FBXO41: variants seen among roughly 807,000 people sequenced by gnomAD.
FBXO41 encodes the protein F-box only protein 41.
FBXO41 carries 33 observed loss-of-function variants against 81.6 expected under a neutral mutation model. The ratio of observed to expected loss-of-function variants is 0.40; its 90% CI spans 0.31 to 0.54. FBXO41 has a LOEUF of 0.54. FBXO41 is among the 20% of genes least tolerant of loss of function. The pLI, the probability that FBXO41 is intolerant of heterozygous loss-of-function variation, is 0.39. For missense variants in FBXO41, 1,107 were observed against 1,236.0 expected (o/e 0.90, Z 1.56); for synonymous variants, 576 against 552.7 (o/e 1.04, Z -0.59).
At chr2:73,267,548 A>G (rs1349131206) in intron 2 of FBXO41, among the ~76,000 whole-genome samples, 1 of 152,210 alleles carries the variant, frequency 6.6e-6, no homozygotes, top group Non-Finnish European at 1.5e-5. Context: ...TGTTCTAGGT[A>G]TTGGGGAAAT....
At chr2:73,275,339 C>T (rs189642694) in intron 1 of FBXO41, among the ~76,000 whole-genome samples, 1 of 152,162 alleles carries the variant, frequency 6.6e-6, no homozygotes, top group African/African-American at 2.4e-5. Flanking sequence ...CCCACCACCA[C>T]ACGTGGCTAA....
At position 73,257,733 on chromosome 2, in the gene FBXO41, G is replaced by C. The variant is rs1047031570; in HGVS notation, c.*1249C>G. 6.6e-6 allele frequency: 1 copy of C among 152,240 alleles called. No homozygotes were observed. Among genetic ancestry groups the C allele is most frequent in the African/African-American group, 2.4e-5 (1 of 41,428 alleles). 9.4% of individuals were successfully genotyped at this position (152,240 alleles called of 1,614,324 possible). On this transcript the variant is annotated 3_prime_UTR_variant, in exon 13 of 13. Coordinates refer to ENST00000520530, the MANE Select transcript of FBXO41 (RefSeq NM_001371389.2). This position sits in a 1 kb window ranked among gnomAD's most constrained non-coding sequence, Gnocchi z 4.6. ...TCTGAGACCTGATCCTTTGGGGACT[G>C]CAAAGGCCAGTGAAAAGTGAATCCT...
chr2:73,264,511 C>T lies in FBXO41; in HGVS notation c.1573G>A (p.Glu525Lys), dbSNP rs370256664. Residue 525 changes from glutamate to lysine, a missense_variant, in exon 6 of 13, where the codon GAG becomes AAG. Glu to Lys is a moderately conservative substitution (Grantham distance 56). Transcript: ENST00000520530. The part of the protein sequence containing the change: ...LSSCRLSARP[E>K]GGSGRGRRAE... ...CGCCGACCCCGCCCACTGCCTCCCT[C>T]GGGGCGGGCTGCAGAATACCAGGGG... The T allele has an allele frequency of 1.7e-4, 270 of 1,613,446 alleles. No individual in the cohort carries two copies. Among genetic ancestry groups the T allele is most frequent in the South Asian group, 2.4e-4 (22 of 91,070 alleles).
At position 73,266,831 on chromosome 2, in the gene FBXO41, G is replaced by T; in HGVS notation, c.906-149C>A. ...CATGGGTTCCTGCAGAACAGGCCTA[G>T]CACACAGCCCCGCACGATGACACAT... On this transcript the variant is annotated intron_variant, in intron 2 of 12. Coordinates refer to ENST00000520530, the MANE Select transcript of FBXO41 (RefSeq NM_001371389.2). This position sits in a 1 kb window ranked among gnomAD's most constrained non-coding sequence, Gnocchi z 5.3. 1.6e-6 allele frequency: 2 copies of T among 1,268,610 alleles called. No individual in the cohort carries two copies. The highest frequency in any genetic ancestry group is 2.1e-6 in the Non-Finnish European group (2 of 974,276). 78.6% of individuals were successfully genotyped at this position (1,268,610 alleles called of 1,614,324 possible). A position where few individuals can be genotyped will look rare whatever the true frequency, so the allele number is the denominator to read the frequency against.
rs1349149401 is a variant in FBXO41 at position 73,268,984 on chromosome 2, T to C, written c.647A>G (p.Asp216Gly). Residue 216 changes from aspartate (D) to glycine (G), a missense_variant, in exon 2 of 13, where the codon GAC becomes GGC. Coordinates refer to ENST00000520530, the MANE Select transcript of FBXO41 (RefSeq NM_001371389.2). ...KIRALEKLEVDRRLERLSEEV... is the reference protein window; with the variant it reads ...KIRALEKLEVGRRLERLSEEV... ...CTCGCTCAGCCGCTCCAGCCGCCGG[T>C]CCACCTCCAGCTTCTCCAGCGCGCG... 6.5e-7 allele frequency: 1 copy of C among 1,538,908 alleles called. No individual in the cohort carries two copies. Among genetic ancestry groups the C allele is most frequent in the Admixed American group, 2.0e-5 (1 of 50,974 alleles).
At position 73,258,581 on chromosome 2, in the gene FBXO41, G is replaced by A; in HGVS notation, c.*401C>T. The A allele has an allele frequency of 5.2e-6, 1 of 191,658 alleles. No homozygotes were observed. The highest frequency in any genetic ancestry group is 1.1e-5 in the Non-Finnish European group (1 of 94,374). 11.9% of individuals were successfully genotyped at this position (191,658 alleles called of 1,614,324 possible). On this transcript the variant is annotated 3_prime_UTR_variant, in exon 13 of 13. Coordinates refer to ENST00000520530, the MANE Select transcript of FBXO41 (RefSeq NM_001371389.2). ...CTTGTGGAGCCCCCATTGGCTTGGG[G>A]CCCCAGATGCTCCTGACCAGGAGGC...
chr2:73,276,902 G>A (rs1217668010), intron 1 of FBXO41, among the ~76,000 whole-genome samples: 5 of 152,240 alleles, frequency 3.3e-5, no homozygotes, highest in Non-Finnish European at 7.3e-5. Flanking sequence ...TCAAGAACAA[G>A]GATATTCTAT....
At chr2:73,270,686 T>C in intron 1 of FBXO41, 1 of 433,130 alleles carries the variant, frequency 2.3e-6, no homozygotes. Context: ...CCCACACCCC[T>C]TTTGGCACAA....
At position 73,269,393 on chromosome 2, in the gene FBXO41, G is replaced by A; in HGVS notation, c.238C>T (p.Arg80Trp). The A allele has an allele frequency of 1.4e-6, 2 of 1,467,954 alleles. No homozygotes were observed. The highest frequency in any genetic ancestry group is 1.8e-6 in the Non-Finnish European group (2 of 1,113,942). The allele number at this position is 1,467,954 out of a possible 1,614,324, so 90.9% of individuals were successfully genotyped here. Residue 80 changes from arginine to tryptophan, a missense_variant, in exon 2 of 13, where the codon CGG becomes TGG. Physicochemically the swap from Arg to Trp is moderately radical, Grantham distance 101. Around this residue, in one of 2 missense-constraint regions of FBXO41, gnomAD observed 771 missense variants for 789.2 expected, o/e 0.98. Transcript: ENST00000520530. The surrounding 1 kb of genome is among the most constrained non-coding windows in gnomAD (Gnocchi z 7.0). ...PAALLAVPGA[R>W]REVFESTSFQ... is the part of the protein sequence containing the mutation. ...GAAGTGCTCTCGAAGACCTCTCGCC[G>A]GGCGCCGGGCACGGCCAGCAGGGCG...
At position 73,263,271 on chromosome 2, in the gene FBXO41, C is replaced by A; in HGVS notation, c.2113G>T (p.Ala705Ser). 1 of 1,552,496 alleles carries A rather than the reference C, an allele frequency of 6.4e-7. No individual in the cohort carries two copies. The highest frequency in any genetic ancestry group is 8.7e-7 in the Non-Finnish European group (1 of 1,148,390). Residue 705 changes from alanine (A) to serine (S), a missense_variant, in exon 9 of 13, where the codon GCC becomes TCC. Ala to Ser is a moderately conservative substitution (Grantham distance 99, BLOSUM62 1). Around this residue, in one of 2 missense-constraint regions of FBXO41, gnomAD observed 336 missense variants for 446.7 expected, o/e 0.75. Coordinates refer to ENST00000520530, the MANE Select transcript of FBXO41 (RefSeq NM_001371389.2). ...TDPVGHEVIW[A>S]LGAGCREIVS... ...ATCTCTCTGCAGCCTGCGCCCAGGG[C>A]CCAAATGACCTCATGGCCCACGGGG...
chr2:73,279,757 A>G (rs1688794737), intron 1 of FBXO41, among the ~76,000 whole-genome samples: 1 of 152,218 alleles, frequency 6.6e-6, no homozygotes, highest in African/African-American at 2.4e-5. Flanking sequence ...AGGAGGCAGC[A>G]TGGGAGAATC....
chr2:73,273,606 G>A lies in FBXO41; in HGVS notation c.-138-3838C>T, dbSNP rs192221251. 3.3e-3 allele frequency among the ~76,000 whole-genome samples: 508 copies of A among 152,260 alleles called. 1 individual carries two copies. Among genetic ancestry groups the A allele is most frequent in the African/African-American group, 0.012 (485 of 41,542 alleles). On this transcript the variant is annotated intron_variant, in intron 1 of 12. Transcript: ENST00000520530. ...CAGTCTGGGCCGATACAGTCACTTC[G>A]GGAGCTGTGCTCAGTTGGTAGGCTG...
At position 73,269,553 on chromosome 2, in the gene FBXO41, G is replaced by A; in HGVS notation, c.78C>T (p.Arg26=). ...AGGTGTGGCTGTACTCCAGGTGCGCGCGCAGCGACGACAGGCTCCGGAAGC... is the reference window on the plus strand; with the variant it reads ...AGGTGTGGCTGTACTCCAGGTGCGCACGCAGCGACGACAGGCTCCGGAAGC... ...HKRFRSLSSL[R]AHLEYSHTYE... Residue 26 remains arginine (R), a synonymous_variant, in exon 2 of 13, where the codon CGC becomes CGT. Coordinates refer to ENST00000520530, the MANE Select transcript of FBXO41 (RefSeq NM_001371389.2). The surrounding 1 kb of genome is among the most constrained non-coding windows in gnomAD (Gnocchi z 7.0). 1 of 1,361,152 alleles carries A rather than the reference G, an allele frequency of 7.3e-7. No homozygotes were observed. Among genetic ancestry groups the A allele is most frequent in the Non-Finnish European group, 9.6e-7 (1 of 1,046,496 alleles). The allele number at this position is 1,361,152 out of a possible 1,614,324, so 84.3% of individuals were successfully genotyped here. A position where few individuals can be genotyped will look rare whatever the true frequency, so the allele number is the denominator to read the frequency against.
At chr2:73,276,584 G>GAGAGAC (rs150623554) in intron 1 of FBXO41, among the ~76,000 whole-genome samples, 1 of 127,734 alleles carries the variant, frequency 7.8e-6, no homozygotes, top group Non-Finnish European at 1.6e-5. Context: ...GAGAGAGAGA[G>GAGAGAC]AGAGAGAGAG....
chr2:73,268,764 G>T lies in FBXO41; in HGVS notation c.867C>A (p.Asp289Glu). 6.4e-7 allele frequency: 1 copy of T among 1,571,448 alleles called. No homozygotes were observed. Among genetic ancestry groups the T allele is most frequent in the Non-Finnish European group, 8.6e-7 (1 of 1,157,240 alleles). Residue 289 changes from aspartate (D) to glutamate (E), a missense_variant, in exon 2 of 13, where the codon GAC (aspartate) becomes GAA (glutamate). By Grantham distance (45) the Asp-to-Glu change is conservative. Transcript: ENST00000520530. ...TCAGCTCCTGTTCCTTGTGCACCAG[G>T]TCCTGCTTGAGTGAGGCCAGCAGCT... ...SVELLASLKQ[D>E]LVHKEQELSR... is the part of the protein sequence containing the mutation.
At position 73,258,274 on chromosome 2, in the gene FBXO41, C is replaced by T. The variant is rs1687885543; in HGVS notation, c.*708G>A. On this transcript the variant is annotated 3_prime_UTR_variant, in exon 13 of 13. Transcript: ENST00000520530. ...TGGGAGGAGGGGTCCTGTCTTACAGCAATAAATAAGTTTTCTCCCCCTGGC... is the reference window on the plus strand; with the variant it reads ...TGGGAGGAGGGGTCCTGTCTTACAGTAATAAATAAGTTTTCTCCCCCTGGC... The T allele has an allele frequency of 6.6e-6, 1 of 152,276 alleles. No homozygotes were observed. Among genetic ancestry groups the T allele is most frequent in the African/African-American group, 2.4e-5 (1 of 41,426 alleles). 9.4% of individuals were successfully genotyped at this position (152,276 alleles called of 1,614,324 possible).
In FBXO41 at chr2:73,269,133, C is replaced by T. The variant is rs1365010182; in HGVS notation, c.498G>A (p.Ser166=). 1 of 1,519,436 alleles carries T rather than the reference C, an allele frequency of 6.6e-7. No homozygotes were observed. The highest frequency in any genetic ancestry group is 8.8e-7 in the Non-Finnish European group (1 of 1,139,974). The allele number at this position is 1,519,436 out of a possible 1,614,324, so 94.1% of individuals were successfully genotyped here. Residue 166 remains serine, a synonymous_variant, in exon 2 of 13, where the codon TCG becomes TCA. Transcript: ENST00000520530. This position sits in a 1 kb window ranked among gnomAD's most constrained non-coding sequence, Gnocchi z 7.0. ...ELFARKSVAS[S]ACSTPPPGPG... ...GGCCAGGCGGCGGCGTCGAGCACGC[C>T]GAGGACGCCACGGACTTGCGGGCGA...
chr2:73,258,105 G>C lies in FBXO41; in HGVS notation c.*877C>G, dbSNP rs1406965244. ...CTGGATTAGAAGGAAATTCCTTAAG[G>C]ACAGGAACTACTTCTCACTGTGACA... is the stretch of plus-strand genomic sequence containing the variant. On this transcript the variant is annotated 3_prime_UTR_variant, in exon 13 of 13. Coordinates refer to ENST00000520530, the MANE Select transcript of FBXO41 (RefSeq NM_001371389.2). 6.6e-6 allele frequency: 1 copy of C among 152,248 alleles called. No homozygotes were observed. Among genetic ancestry groups the C allele is most frequent in the East Asian group, 1.9e-4 (1 of 5,184 alleles). 9.4% of individuals were successfully genotyped at this position (152,248 alleles called of 1,614,324 possible). A position where few individuals can be genotyped will look rare whatever the true frequency, so the allele number is the denominator to read the frequency against.
At chr2:73,263,012 T>G (rs190555540) in intron 9 of FBXO41, among the ~76,000 whole-genome samples, 48 of 152,348 alleles carry the variant, frequency 3.2e-4, no homozygotes, top group Middle Eastern at 6.8e-3. Flanking sequence ...CTCAAAGTGC[T>G]GGGATTACAG....
Sources: gnomAD v4.1 joint callset for allele counts (sites outside exome capture counted in the v4.1 genomes callset) on GRCh38, gnomAD v4.1.1 for gene constraint, gnomAD v4.1.1 regional missense constraint, Gnocchi (gnomAD v3.1) non-coding constraint, MANE v1.5 for transcripts, NCBI Gene and HGNC (gene_info 2026-07-23, HGNC 2026-07-21) for gene names.